Variants in TPD52L3 observed in about 807,000 individuals in gnomAD.
TPD52L3 encodes tumor protein D55.
Under a neutral mutation model 8.7 loss-of-function variants are expected in TPD52L3, and 12 were observed. The ratio of observed to expected loss-of-function variants is 1.38; its 90% CI spans 0.89 to 2.24. The LOEUF (loss-of-function observed/expected upper bound fraction) is 2.24, where lower values mean the gene tolerates loss of function less well. Among genes scored for constraint, TPD52L3 ranks in the 30% most tolerant of loss-of-function variants. The pLI is 0.00. For synonymous variants in TPD52L3, 79 were observed against 66.8 expected (o/e 1.18, Z -0.89); for missense variants, 207 against 158.7 (o/e 1.30, Z -1.64).
chr9:6,330,159 T>C (rs1818121270), intron 1 of TPD52L3: 1 of 1,613,786 alleles, frequency 6.2e-7, no homozygotes, highest in Non-Finnish European at 8.5e-7. Flanking sequence ...TGCTCTTAAC[T>C]CCAAGTCTGC....
chr9:6,329,906 T>G, intron 1 of TPD52L3: 1 of 1,262,456 alleles, frequency 7.9e-7, no homozygotes, highest in Non-Finnish European at 1.0e-6. Flanking sequence ...AAATGAGTGT[T>G]TTAAAGTTTA....
chr9:6,330,396 G>C, intron 1 of TPD52L3: 1 of 1,414,996 alleles, frequency 7.1e-7, no homozygotes, highest in East Asian at 2.6e-5. Context: ...CATCTTATTG[G>C]CTGTGGGCAG....
chr9:6,330,205 A>C, intron 1 of TPD52L3: 1 of 1,614,112 alleles, frequency 6.2e-7, no homozygotes, highest in Non-Finnish European at 8.5e-7. Flanking sequence ...AGAAGGAAGC[A>C]GAATATAACC....
chr9:6,329,272 A>C, intron 1 of TPD52L3: 1 of 1,299,236 alleles, frequency 7.7e-7, no homozygotes, highest in Non-Finnish European at 9.9e-7. Flanking sequence ...CCACAATGGT[A>C]AAGTGGTTAA....
intron 1 of TPD52L3, chr9:6,329,196 A>AC: frequency 6.9e-7 from 1 of 1,440,572 alleles, no homozygotes; most frequent in South Asian, 1.6e-5. Context: ...CTGGTACTAA[A>AC]CCAGTGCAAG....
intron 1 of TPD52L3, chr9:6,329,807 G>A (rs1481199299): frequency 6.8e-5 from 73 of 1,067,934 alleles, no homozygotes; most frequent in Non-Finnish European, 8.0e-5. Context: ...CAAAACAACA[G>A]TGTCAGTTTA....
chr9:6,328,731 C>G lies in TPD52L3; in HGVS notation c.136C>G (p.Leu46Val). The G allele has an allele frequency of 1.2e-6, 2 of 1,614,040 alleles. No homozygotes were observed. The highest frequency in any genetic ancestry group is 1.7e-6 in the Non-Finnish European group (2 of 1,180,026). The change falls in exon 1 of 2, where the codon CTA becomes GTA. Residue 46 changes from leucine (L) to valine (V), a missense_variant. Physicochemically the swap from Leu to Val is conservative, Grantham distance 32. Transcript: ENST00000314556. ...TAAATTGGAGGCTGAAATTGTAACC[C>G]TACGCCACGTACTAGCAGCCAAAGA... ...LTKLEAEIVT[L>V]RHVLAAKERR... is the part of the protein sequence containing the mutation.
rs972643916 is a variant in TPD52L3, at chr9:6,328,927, G to A, written c.332G>A (p.Gly111Asp). 4 of 1,614,178 alleles carry A rather than the reference G, an allele frequency of 2.5e-6. No homozygotes were observed. Among genetic ancestry groups the A allele is most frequent in the Non-Finnish European group, 3.4e-6 (4 of 1,180,024 alleles). ...ACTCTCATCTGCAGGAAGCTTGGAG[G>A]CGTGAAGAAGTCGGCCACATTCAGA... ...MGTLICRKLG[G>D]VKKSATFRSF... is the part of the protein sequence containing the mutation. The change falls in exon 1 of 2, where the codon GGC becomes GAC. Residue 111 changes from glycine (G) to aspartate (D), a missense_variant. Coordinates refer to ENST00000314556, the MANE Select transcript of TPD52L3 (RefSeq NM_001001874.3).
chr9:6,328,884 G>C lies in TPD52L3; in HGVS notation c.289G>C (p.Ala97Pro), dbSNP rs748363958. The change falls in exon 1 of 2, where the codon GCT (alanine) becomes CCT (proline). Residue 97 changes from alanine (A) to proline (P), a missense_variant. Transcript: ENST00000314556. ...CTATGTGAAACAGAAGACATCAGCT[G>C]CTCTGTCCACCATGGGCACTCTCAT... ...NTYVKQKTSA[A>P]LSTMGTLICR... 6.2e-7 allele frequency: 1 copy of C among 1,614,072 alleles called. No homozygotes were observed. Among genetic ancestry groups the C allele is most frequent in the Non-Finnish European group, 8.5e-7 (1 of 1,180,040 alleles).
In TPD52L3 at chr9:6,328,517, C is replaced by G; in HGVS notation, c.-79C>G. On this transcript the variant is annotated 5_prime_UTR_variant, in exon 1 of 2. Coordinates refer to ENST00000314556, the MANE Select transcript of TPD52L3 (RefSeq NM_001001874.3). ...TCGACTCTGCTGGCCAAGATTATTT[C>G]TCTGCAGCCCAATAATTCGACTCTT... 1 of 1,505,608 alleles carries G rather than the reference C, an allele frequency of 6.6e-7. No homozygotes were observed. The highest frequency in any genetic ancestry group is 8.9e-7 in the Non-Finnish European group (1 of 1,122,398). 93.3% of individuals were successfully genotyped at this position (1,505,608 alleles called of 1,614,324 possible).
At chr9:6,330,216 C>G in intron 1 of TPD52L3, 1 of 1,613,862 alleles carries the variant, frequency 6.2e-7, no homozygotes, top group Non-Finnish European at 8.5e-7. Flanking sequence ...GAATATAACC[C>G]TCTGGAGAGC....
Position 6,328,451 on chromosome 9 carries a change from T to C in TPD52L3, c.-145T>C. ...CCATGGATCCCTCCCGCCTGAAATC[T>C]GACTCCACCTGCCAAGAGTCTGAGC... On this transcript the variant is annotated 5_prime_UTR_variant, in exon 1 of 2. Coordinates refer to ENST00000314556, the MANE Select transcript of TPD52L3 (RefSeq NM_001001874.3). 1 of 994,506 alleles carries C rather than the reference T, an allele frequency of 1.0e-6. No individual in the cohort carries two copies. 61.6% of individuals were successfully genotyped at this position (994,506 alleles called of 1,614,324 possible).
At position 6,331,343 on chromosome 9, in the gene TPD52L3, A is replaced by G; in HGVS notation, c.*324A>G. On this transcript the variant is annotated 3_prime_UTR_variant, in exon 2 of 2. Coordinates refer to ENST00000314556, the MANE Select transcript of TPD52L3 (RefSeq NM_001001874.3). ...CAGTAAAGACTTTAGAGAGACAGAA[A>G]GTCTTAGAGGACTAGGAGAAGTTTG... 1 of 205,998 alleles carries G rather than the reference A, an allele frequency of 4.9e-6. No individual in the cohort carries two copies. Among genetic ancestry groups the G allele is most frequent in the South Asian group, 1.6e-4 (1 of 6,316 alleles). The allele number at this position is 205,998 out of a possible 1,614,324, so 12.8% of individuals were successfully genotyped here.
At chr9:6,330,434 AGTAATCTCTCACTGCCTAAAATG>A (rs1344815146) in intron 1 of TPD52L3, 5 of 1,340,286 alleles carry the variant, frequency 3.7e-6, no homozygotes, top group Non-Finnish European at 4.8e-6. Flanking sequence ...GGTACATTTC[AGTAATCTCTCACTGCCTAAAATG>A]GTAATCCCTC....
At position 6,329,221 on chromosome 9, in the gene TPD52L3, A is replaced by G. The variant is rs937476880; in HGVS notation, c.367+259A>G. On this transcript the variant is annotated intron_variant, in intron 1 of 1. Coordinates refer to ENST00000314556, the MANE Select transcript of TPD52L3 (RefSeq NM_001001874.3). ...ACCAGTGCAAGGACCCCCTTCCCTT[A>G]TTACATTTGCAACTCTGCCCAACAA... 7 of 1,391,392 alleles carry G rather than the reference A, an allele frequency of 5.0e-6. No individual in the cohort carries two copies. The African/African-American group carries it at 8.7e-5, about 17-fold the overall frequency. 86.2% of individuals were successfully genotyped at this position (1,391,392 alleles called of 1,614,324 possible). A position where few individuals can be genotyped will look rare whatever the true frequency, so the allele number is the denominator to read the frequency against.
chr9:6,331,021 A>G lies in TPD52L3; in HGVS notation c.*2A>G. On this transcript the variant is annotated 3_prime_UTR_variant, in exon 2 of 2. Coordinates refer to ENST00000314556, the MANE Select transcript of TPD52L3 (RefSeq NM_001001874.3). Reference sequence around the variant, plus strand: ...ACGTTAAATCAAGGAAGGAATTAACATCATATACTTCAGACATCAAATATG... The same window carrying G: ...ACGTTAAATCAAGGAAGGAATTAACGTCATATACTTCAGACATCAAATATG... 1.2e-6 allele frequency: 2 copies of G among 1,611,590 alleles called. No homozygotes were observed. Among genetic ancestry groups the G allele is most frequent in the East Asian group, 2.2e-5 (1 of 44,790 alleles).
intron 1 of TPD52L3, chr9:6,330,069 T>C: frequency 3.9e-6 from 6 of 1,527,712 alleles, no homozygotes; most frequent in Non-Finnish European, 5.3e-6. Flanking sequence ...AACCCCTGTC[T>C]CAAGGAACAT....
At position 6,330,099 on chromosome 9, in the gene TPD52L3, C is replaced by G. The variant is rs995302301; in HGVS notation, c.368-877C>G. On this transcript the variant is annotated intron_variant, in intron 1 of 1. Transcript: ENST00000314556. ...GAACATTTTAAAAAGAACGTCTGTC[C>G]CCTGTGATGCTGGCTGTTATGCCTT... 6 of 1,594,746 alleles carry G rather than the reference C, an allele frequency of 3.8e-6. No individual in the cohort carries two copies. The African/African-American group carries it at 6.8e-5, about 18-fold the overall frequency.
In TPD52L3 at chr9:6,328,740, G is replaced by C. The variant is rs1294329353; in HGVS notation, c.145G>C (p.Val49Leu). 1 of 1,614,048 alleles carries C rather than the reference G, an allele frequency of 6.2e-7. No homozygotes were observed. Among genetic ancestry groups the C allele is most frequent in the African/African-American group, 1.3e-5 (1 of 74,914 alleles). The change falls in exon 1 of 2, where the codon GTA (valine) becomes CTA (leucine). Residue 49 changes from valine to leucine, a missense_variant. By Grantham distance (32) the Val-to-Leu change is conservative. Coordinates refer to ENST00000314556, the MANE Select transcript of TPD52L3 (RefSeq NM_001001874.3). ...LEAEIVTLRH[V>L]LAAKERRCGE... The stretch of plus-strand genomic sequence containing the variant: ...GGCTGAAATTGTAACCCTACGCCAC[G>C]TACTAGCAGCCAAAGAGAGACGCTG...
Sources: allele counts gnomAD v4.1 joint callset, GRCh38; gene constraint gnomAD v4.1.1; transcripts MANE v1.5; gene names NCBI Gene and HGNC (gene_info 2026-07-23, HGNC 2026-07-21).